The following PPP1R1C variants were observed in gnomAD, a reference collection of about 807,000 sequenced individuals.
PPP1R1C encodes protein phosphatase 1 regulatory subunit 1C.
In PPP1R1C, 15 loss-of-function variants were observed where a neutral mutation model predicts 17.4. The observed-to-expected ratio is 0.86, with a 90% CI of 0.58 to 1.33. The LOEUF (loss-of-function observed/expected upper bound fraction) is 1.33. Among genes scored for constraint, PPP1R1C ranks in the 40% most tolerant of loss-of-function variants. The pLI is 0.00. For synonymous variants in PPP1R1C, 35 were observed against 43.1 expected, an observed-to-expected ratio of 0.81 and a Z score of 0.73; for missense variants, 143 against 130.0, an observed-to-expected ratio of 1.10 and a Z score of -0.48.
At position 182,117,646 on chromosome 2, in the gene PPP1R1C, C is replaced by T. The variant is rs1049272706; in HGVS notation, c.*351C>T. On this transcript the variant is annotated 3_prime_UTR_variant, in exon 5 of 5. Transcript: ENST00000682840. The stretch of plus-strand genomic sequence containing the variant: ...GCATTCTAACAACACATGTAAATAA[C>T]ATCACTTTAAGAGTAAAAAATAAAT... 1.6e-5 allele frequency: 3 copies of T among 185,572 alleles called. No individual in the cohort carries two copies. In the South Asian group the frequency reaches 4.4e-4, roughly 27 times the overall value. 11.5% of individuals were successfully genotyped at this position (185,572 alleles called of 1,614,324 possible).
chr2:182,053,685 C>G (rs532905231), intron 2 of PPP1R1C, among the ~76,000 whole-genome samples: 95 of 152,136 alleles, frequency 6.2e-4, no homozygotes, highest in South Asian at 1.7e-3. Flanking sequence ...TATCTCTTCA[C>G]TTATAAAACA....
intron 2 of PPP1R1C, among the ~76,000 whole-genome samples, chr2:182,019,466 C>T (rs565623159): frequency 6.6e-6 from 1 of 152,320 alleles, no homozygotes; most frequent in African/African-American, 2.4e-5. Flanking sequence ...TGGCCACCCT[C>T]AGCTCTGAGC....
At chr2:182,007,022 G>C (rs935348698) in intron 2 of PPP1R1C, among the ~76,000 whole-genome samples, 2 of 152,040 alleles carry the variant, frequency 1.3e-5, no homozygotes, top group African/African-American at 4.8e-5. Flanking sequence ...TTATGCGGAG[G>C]ACATAAGGGA....
chr2:181,995,484 A>G (rs1240705565), intron 2 of PPP1R1C, among the ~76,000 whole-genome samples: 3 of 152,252 alleles, frequency 2.0e-5, no homozygotes, highest in African/African-American at 7.2e-5. Flanking sequence ...AATATAGAAT[A>G]CATTAATTTC....
At chr2:182,047,622 C>T (rs981752408) in intron 2 of PPP1R1C, among the ~76,000 whole-genome samples, 1 of 152,096 alleles carries the variant, frequency 6.6e-6, no homozygotes, top group Non-Finnish European at 1.5e-5. Context: ...AAAAATTGTA[C>T]CAGTGATTGA....
At chr2:181,984,110 A>ATG (rs1685245573), upstream of PPP1R1C, among the ~76,000 whole-genome samples, 3 of 152,346 alleles carry the variant, frequency 2.0e-5, no homozygotes, top group South Asian at 6.2e-4. Flanking sequence ...CTGGTTGAAA[A>ATG]TGTGTATGTT....
chr2:181,982,123 C>G (rs1685204705), upstream of PPP1R1C, among the ~76,000 whole-genome samples: 1 of 152,198 alleles, frequency 6.6e-6, no homozygotes, highest in Non-Finnish European at 1.5e-5. Context: ...GCTTTTCCCT[C>G]TCCACCCCTC....
At chr2:181,993,372 A>T (rs1477121701) in intron 2 of PPP1R1C, among the ~76,000 whole-genome samples, 1 of 152,100 alleles carries the variant, frequency 6.6e-6, no homozygotes, top group East Asian at 1.9e-4. Flanking sequence ...ACTCTTAAAG[A>T]TGAGTAAGAC....
chr2:182,015,797 C>T (rs938033786), intron 2 of PPP1R1C, among the ~76,000 whole-genome samples: 1 of 152,060 alleles, frequency 6.6e-6, no homozygotes. Context: ...CAAAAAAGTC[C>T]TCTTTATTCT....
intron 4 of PPP1R1C, among the ~76,000 whole-genome samples, chr2:182,075,010 G>A (rs993061867): frequency 6.6e-6 from 1 of 152,114 alleles, no homozygotes; most frequent in African/African-American, 2.4e-5. Context: ...ATACCAAGCA[G>A]GATAAGAATG....
intron 2 of PPP1R1C, among the ~76,000 whole-genome samples, chr2:182,053,769 ATTTAT>A (rs1687596578): frequency 6.8e-6 from 1 of 147,680 alleles, no homozygotes; most frequent in Admixed American, 7.3e-5. Context: ...TTATTTATTT[ATTTAT>A]TTATTTTATT....
chr2:182,011,711 G>A (rs1356774333), intron 2 of PPP1R1C, among the ~76,000 whole-genome samples: 1 of 151,912 alleles, frequency 6.6e-6, no homozygotes, highest in Non-Finnish European at 1.5e-5. Flanking sequence ...TTGTAAGGTT[G>A]GTTATTTGAA....
chr2:182,015,101 T>C (rs1686218485), intron 2 of PPP1R1C, among the ~76,000 whole-genome samples: 1 of 152,182 alleles, frequency 6.6e-6, no homozygotes, highest in Admixed American at 6.5e-5. Flanking sequence ...TTCCCTCTCC[T>C]TTCTTCTAGC....
At chr2:182,026,564 T>G (rs1472675851) in intron 2 of PPP1R1C, among the ~76,000 whole-genome samples, 2 of 151,396 alleles carry the variant, frequency 1.3e-5, no homozygotes, top group African/African-American at 4.8e-5. Flanking sequence ...GTTCCATTGA[T>G]CTATATCTCT....
At position 181,985,897 on chromosome 2, in the gene PPP1R1C, G is replaced by A; in HGVS notation, c.-214G>A. ...TGCTGAGAGGATCCAAGGGATTGGT[G>A]GGGGAACAGGCAAGCCAGGCATCAC... On this transcript the variant is annotated 5_prime_UTR_variant, in exon 1 of 5. Coordinates refer to ENST00000682840, the MANE Select transcript of PPP1R1C (RefSeq NM_001080545.3). The surrounding 1 kb of genome is among the most constrained non-coding windows in gnomAD (Gnocchi z 4.1). 3.4e-6 allele frequency: 2 copies of A among 596,922 alleles called. No individual in the cohort carries two copies. Among genetic ancestry groups the A allele is most frequent in the East Asian group, 2.8e-5 (1 of 36,088 alleles). The allele number at this position is 596,922 out of a possible 1,614,324, so 37.0% of individuals were successfully genotyped here. A position where few individuals can be genotyped will look rare whatever the true frequency, so the allele number is the denominator to read the frequency against.
intron 5 of PPP1R1C, among the ~76,000 whole-genome samples, chr2:182,123,234 T>C (rs1362868893): frequency 2.0e-5 from 3 of 152,256 alleles, no homozygotes; most frequent in African/African-American, 7.2e-5. Flanking sequence ...TGCCACATTT[T>C]ATTTATCCAG....
chr2:181,970,396 T>A lies in PPP1R1C; in HGVS notation n.112-4823T>A, dbSNP rs149789938. ...TAATGCTGTGAATCTTCCACCCTCA[T>A]AGAGGTACCACCTTGGTGGTCTTGG... is the stretch of plus-strand genomic sequence containing the variant. On this transcript the variant is annotated intron_variant and non_coding_transcript_variant, in intron 1 of 5. Coordinates refer to the PPP1R1C transcript ENST00000464264. Among the ~76,000 whole-genome samples the A allele has an allele frequency of 3.6e-3, 552 of 152,328 alleles. 2 individuals are homozygous for A. Among genetic ancestry groups the A allele is most frequent in the Middle Eastern group, 6.8e-3 (2 of 294 alleles).
At chr2:182,076,192 C>CTTTTTTTTT (rs1688296764) in intron 4 of PPP1R1C, among the ~76,000 whole-genome samples, 2 of 25,834 alleles carry the variant, frequency 7.7e-5, no homozygotes, top group Non-Finnish European at 7.4e-5. Flanking sequence ...TTTTTTTTTT[C>CTTTTTTTTT]TTTTCTTTTT....
chr2:181,971,246 C>A lies in PPP1R1C; in HGVS notation n.112-3973C>A, dbSNP rs539899183. Among the ~76,000 whole-genome samples the A allele has an allele frequency of 3.9e-5, 6 of 152,326 alleles. 1 individual carries two copies. Among genetic ancestry groups the A allele is most frequent in the African/African-American group, 1.2e-4 (5 of 41,584 alleles). On this transcript the variant is annotated intron_variant and non_coding_transcript_variant, in intron 1 of 5. Coordinates refer to the PPP1R1C transcript ENST00000464264. ...CCACAGCGAGTACTGCCTATCACTG[C>A]TGATTATTCAGGCCCAAGGGCTCTT...
Sources: allele counts gnomAD v4.1 joint callset (sites outside exome capture counted in the v4.1 genomes callset), GRCh38; gene constraint gnomAD v4.1.1; non-coding constraint Gnocchi (gnomAD v3.1); transcripts MANE v1.5; gene names NCBI Gene and HGNC (gene_info 2026-07-23, HGNC 2026-07-21).